CFTR: variants seen among roughly 807,000 people sequenced by gnomAD.
The protein encoded by CFTR is CF transmembrane conductance regulator.
Under a neutral mutation model 171.6 loss-of-function variants are expected in CFTR, and 181 were observed. That is an observed-to-expected ratio of 1.05 (90% CI 0.93 to 1.19). The LOEUF (loss-of-function observed/expected upper bound fraction) is 1.19. Ranked by LOEUF, CFTR falls within the 50% of genes most tolerant of loss-of-function variation. CFTR has a pLI of 0.00. For missense variants in CFTR, 1,968 were observed against 1,734.7 expected, an observed-to-expected ratio of 1.13 and a Z score of -2.39; for synonymous variants, 583 against 608.0, an observed-to-expected ratio of 0.96 and a Z score of 0.60.
rs373479656 is a variant in CFTR at position 117,667,121 on chromosome 7, A to G, written c.*13A>G. On this transcript the variant is annotated 3_prime_UTR_variant, in exon 27 of 27. Coordinates refer to ENST00000003084, the MANE Select transcript of CFTR (RefSeq NM_000492.4). Reference sequence around the variant, plus strand: ...TACAAGGCTTTAGAGAGCAGCATAAATGTTGACATGGGACATTTGCTCATG... The same window carrying G: ...TACAAGGCTTTAGAGAGCAGCATAAGTGTTGACATGGGACATTTGCTCATG... 1 of 1,611,022 alleles carries G rather than the reference A, an allele frequency of 6.2e-7. No homozygotes were observed. The highest frequency in any genetic ancestry group is 1.3e-5 in the African/African-American group (1 of 74,840).
Position 117,586,943 on chromosome 7 carries a change from T to C in CFTR, c.1585-796T>C, listed in dbSNP as rs544155413. Among the ~76,000 whole-genome samples the C allele has an allele frequency of 1.4e-4, 21 of 152,354 alleles. No individual in the cohort carries two copies. The South Asian group carries it at 4.3e-3, about 32-fold the overall frequency. ...TAATTGTGAACTGTTTTATAAACTA[T>C]CTTAAAATGGTTAGTTAAATCTTTG... On this transcript the variant is annotated intron_variant, in intron 11 of 26. Transcript: ENST00000003084.
chr7:117,656,394 T>C (rs1793184208), intron 24 of CFTR, among the ~76,000 whole-genome samples: 1 of 152,210 alleles, frequency 6.6e-6, no homozygotes, highest in African/African-American at 2.4e-5. Flanking sequence ...CTGTGAGCAC[T>C]GCCGGGCAAA....
intron 10 of CFTR, among the ~76,000 whole-genome samples, chr7:117,559,125 C>G (rs549099404): frequency 5.9e-5 from 9 of 152,296 alleles, no homozygotes; most frequent in African/African-American, 2.2e-4. Context: ...GAACAGCACT[C>G]GACACAGAGT....
At chr7:117,518,199 T>C (rs1227710402) in intron 3 of CFTR, among the ~76,000 whole-genome samples, 1 of 151,192 alleles carries the variant, frequency 6.6e-6, no homozygotes, top group Non-Finnish European at 1.5e-5. Flanking sequence ...AAGACCATCA[T>C]TACCTTTTCA....
intron 22 of CFTR, among the ~76,000 whole-genome samples, chr7:117,640,903 G>A (rs1203451368): frequency 2.0e-5 from 3 of 152,034 alleles, no homozygotes; most frequent in Non-Finnish European, 4.4e-5. Context: ...AAATATTTAT[G>A]GGGCACTTTG....
At chr7:117,652,527 G>A (rs1793103425) in intron 23 of CFTR, among the ~76,000 whole-genome samples, 1 of 151,876 alleles carries the variant, frequency 6.6e-6, no homozygotes, top group Non-Finnish European at 1.5e-5. Flanking sequence ...TTATAATAAG[G>A]AATATTGCTA....
chr7:117,529,962 C>G (rs1798832325), intron 3 of CFTR, among the ~76,000 whole-genome samples: 1 of 152,104 alleles, frequency 6.6e-6, no homozygotes, highest in South Asian at 2.1e-4. Flanking sequence ...GTGTCCTTCC[C>G]TTTTGAAGCC....
chr7:117,593,873 C>T (rs897163702), intron 14 of CFTR, among the ~76,000 whole-genome samples: 4 of 152,258 alleles, frequency 2.6e-5, no homozygotes, highest in Middle Eastern at 3.4e-3. Context: ...GTATTACAGG[C>T]GTGTGCCACC....
intron 19 of CFTR, among the ~76,000 whole-genome samples, chr7:117,611,040 T>G (rs1307934907): frequency 6.6e-6 from 1 of 152,176 alleles, no homozygotes; most frequent in East Asian, 1.9e-4. Context: ...TTTGTCCCTT[T>G]GGCTTGTTGT....
chr7:117,581,713 A>G (rs1791852380), intron 11 of CFTR, among the ~76,000 whole-genome samples: 1 of 152,002 alleles, frequency 6.6e-6, no homozygotes, highest in Non-Finnish European at 1.5e-5. Flanking sequence ...TAATGTTACT[A>G]CTCATGTTTT....
At chr7:117,501,808 CAAAA>C (rs1471256293) in intron 1 of CFTR, among the ~76,000 whole-genome samples, 1 of 78,104 alleles carries the variant, frequency 1.3e-5, no homozygotes, top group African/African-American at 3.9e-5. Flanking sequence ...AGCAAACAAA[CAAAA>C]AAACAAAAAT....
In CFTR at chr7:117,588,734, C is replaced by T. The variant is rs113335073; in HGVS notation, c.1679+901C>T. 1.5e-3 allele frequency among the ~76,000 whole-genome samples: 222 copies of T among 152,182 alleles called. No homozygotes were observed. Among genetic ancestry groups the T allele is most frequent in the Admixed American group, 3.1e-3 (47 of 15,270 alleles). ...GCTCTGCAAAGTAAGAATTGTTCTC[C>T]CTGCTTTACAGAAGAGATCATAAGA... On this transcript the variant is annotated intron_variant, in intron 12 of 26. Transcript: ENST00000003084.
chr7:117,610,495 A>G, intron 18 of CFTR, 24 bp from the exon 19 acceptor site: 1 of 1,608,796 alleles, frequency 6.2e-7, no homozygotes, highest in South Asian at 1.1e-5. Flanking sequence ...TTTACTCACC[A>G]ACATGTTTTC....
chr7:117,611,271 T>C (rs1311002374), intron 19 of CFTR, among the ~76,000 whole-genome samples: 1 of 152,100 alleles, frequency 6.6e-6, no homozygotes, highest in East Asian at 1.9e-4. Context: ...TAAAAGAAAA[T>C]TTTTTTAGTA....
chr7:117,654,797 A>C (rs915670632), intron 24 of CFTR, among the ~76,000 whole-genome samples: 1 of 152,152 alleles, frequency 6.6e-6, no homozygotes, highest in African/African-American at 2.4e-5. Context: ...CTAATACAGG[A>C]GCAAAGACTG....
intron 2 of CFTR, among the ~76,000 whole-genome samples, chr7:117,507,771 C>T (rs952243410): frequency 6.6e-6 from 1 of 152,110 alleles, no homozygotes; most frequent in Non-Finnish European, 1.5e-5. Flanking sequence ...CTGTGTATTA[C>T]TCCTTTATGT....
chr7:117,627,134 A>T (rs1030085170), intron 21 of CFTR, among the ~76,000 whole-genome samples: 2 of 152,102 alleles, frequency 1.3e-5, no homozygotes, highest in Non-Finnish European at 2.9e-5. Flanking sequence ...GAGAAAGAGA[A>T]GAATCTTCAG....
chr7:117,633,828 C>A (rs1034206920), intron 22 of CFTR, among the ~76,000 whole-genome samples: 1 of 151,788 alleles, frequency 6.6e-6, no homozygotes, highest in African/African-American at 2.4e-5. Flanking sequence ...CTGAATCAAC[C>A]TTTTGTACCT....
At chr7:117,650,701 T>G (rs1025802949) in intron 23 of CFTR, among the ~76,000 whole-genome samples, 1 of 152,050 alleles carries the variant, frequency 6.6e-6, no homozygotes, top group Non-Finnish European at 1.5e-5. Context: ...TATGAAATGC[T>G]TCAACTCAGG....
Sources: allele counts gnomAD v4.1 joint callset (sites outside exome capture counted in the v4.1 genomes callset), GRCh38; gene constraint gnomAD v4.1.1; transcripts MANE v1.5; gene names NCBI Gene and HGNC (gene_info 2026-07-23, HGNC 2026-07-21).